The following CTNNA3 variants were observed in gnomAD, a reference collection of about 807,000 sequenced individuals.
CTNNA3 encodes catenin alpha-3.
In CTNNA3, 76 loss-of-function variants were observed where a neutral mutation model predicts 95.7. That is an observed-to-expected ratio of 0.79 (90% CI 0.66 to 0.96). CTNNA3 has a LOEUF of 0.96. CTNNA3 is among the 40% of genes least tolerant of loss of function. CTNNA3 has a pLI of 0.00. For missense variants in CTNNA3, 1,191 were observed against 1,089.8 expected (o/e 1.09, Z -1.31); for synonymous variants, 431 against 374.4 (o/e 1.15, Z -1.74).
intron 10 of CTNNA3, among the ~76,000 whole-genome samples, chr10:66,560,405 T>C (rs1278474951): frequency 6.6e-6 from 1 of 152,106 alleles, no homozygotes; most frequent in Non-Finnish European, 1.5e-5. Context: ...AATACTTTAG[T>C]AGCTATTATT....
At chr10:67,112,523 A>C (rs2131973012) in intron 7 of CTNNA3, among the ~76,000 whole-genome samples, 1 of 152,312 alleles carries the variant, frequency 6.6e-6, no homozygotes, top group East Asian at 1.9e-4. Flanking sequence ...AAAGGTAAGC[A>C]GAATGGATAA....
intron 9 of CTNNA3, among the ~76,000 whole-genome samples, chr10:66,752,999 T>C (rs540997059): frequency 2.0e-5 from 3 of 152,298 alleles, no homozygotes; most frequent in African/African-American, 4.8e-5. Flanking sequence ...ACCTGTTCAC[T>C]GTAAGTTTTC....
intron 4 of CTNNA3, among the ~76,000 whole-genome samples, chr10:67,523,049 T>C (rs1007734286): frequency 1.3e-5 from 2 of 152,148 alleles, no homozygotes; most frequent in African/African-American, 4.8e-5. Context: ...ACCCTTACTA[T>C]ATCAAACTCT....
At chr10:66,196,671 T>C (rs1425563235) in intron 13 of CTNNA3, among the ~76,000 whole-genome samples, 2 of 152,198 alleles carry the variant, frequency 1.3e-5, no homozygotes, top group African/African-American at 2.4e-5. Context: ...AAGGACACTT[T>C]ACATGAGTAA....
rs1234184117 is a variant in CTNNA3 at position 66,486,857 on chromosome 10, ATCAG to A, written c.1531+33756_1531+33759del. Among the ~76,000 whole-genome samples the A allele has an allele frequency of 4.0e-5, 6 of 151,808 alleles. 1 individual carries two copies. Among genetic ancestry groups the A allele is most frequent in the East Asian group, 1.9e-4 (1 of 5,138 alleles). On this transcript the variant is annotated intron_variant, in intron 11 of 17. Transcript: ENST00000433211. ...CACACACACACACACAAAATGAAAT[ATCAG>A]TCAGTCTTAAAAAAAGAAAATCCTG... is the stretch of plus-strand genomic sequence containing the variant.
chr10:67,208,738 GA>G (rs58768529), intron 6 of CTNNA3, among the ~76,000 whole-genome samples: 2,872 of 152,156 alleles, frequency 0.019, 138 homozygotes, highest in East Asian at 0.18. Flanking sequence ...GAGGTGAAGT[GA>G]AAAGAGACAT....
chr10:66,702,707 CAAAAAAA>C (rs36140474), intron 9 of CTNNA3, among the ~76,000 whole-genome samples: 1 of 81,250 alleles, frequency 1.2e-5, no homozygotes, highest in Non-Finnish European at 2.3e-5. Flanking sequence ...AACTCCACCT[CAAAAAAA>C]AAAAAAAAAA....
intron 9 of CTNNA3, among the ~76,000 whole-genome samples, chr10:66,683,090 A>G (rs1357843061): frequency 3.9e-5 from 6 of 152,158 alleles, no homozygotes; most frequent in Non-Finnish European, 2.9e-5. Context: ...AAGCTTGGAT[A>G]CTGGCCTGCC....
intron 1 of CTNNA3, among the ~76,000 whole-genome samples, chr10:67,692,002 C>T (rs1463348485): frequency 2.0e-5 from 3 of 149,160 alleles, no homozygotes; most frequent in African/African-American, 4.9e-5. Flanking sequence ...CGCCTCTGCC[C>T]GGCCGCCCCT....
In CTNNA3 at chr10:67,126,742, A is replaced by G. The variant is rs568948742; in HGVS notation, c.1047+53575T>C. Among the ~76,000 whole-genome samples the G allele has an allele frequency of 4.2e-4, 64 of 152,278 alleles. 1 individual carries two copies. The South Asian group carries it at 0.013, about 31-fold the overall frequency. Reference sequence around the variant, plus strand: ...TGAGAAACCTCCTAAAAAGATCCATATACATTGGGGTGAATTCATCTTTGT... The same window carrying G: ...TGAGAAACCTCCTAAAAAGATCCATGTACATTGGGGTGAATTCATCTTTGT... On this transcript the variant is annotated intron_variant, in intron 7 of 17. Coordinates refer to ENST00000433211, the MANE Select transcript of CTNNA3 (RefSeq NM_013266.4).
intron 7 of CTNNA3, among the ~76,000 whole-genome samples, chr10:67,037,740 G>A (rs1389938975): frequency 6.6e-6 from 1 of 152,158 alleles, no homozygotes; most frequent in Non-Finnish European, 1.5e-5. Context: ...TGTGAGAGGA[G>A]GAGGAATCAA....
chr10:67,404,443 A>T (rs1238470112), intron 5 of CTNNA3, among the ~76,000 whole-genome samples: 1 of 151,998 alleles, frequency 6.6e-6, no homozygotes, highest in African/African-American at 2.4e-5. Flanking sequence ...TAGGCCAAGC[A>T]GAAGAAAGAA....
chr10:66,265,173 A>C (rs2091117479), intron 13 of CTNNA3, among the ~76,000 whole-genome samples: 1 of 151,942 alleles, frequency 6.6e-6, no homozygotes, highest in South Asian at 2.1e-4. Flanking sequence ...TTATCCACAT[A>C]TTGGCCAACA....
chr10:65,944,617 A>G (rs897398259), intron 17 of CTNNA3, among the ~76,000 whole-genome samples: 1 of 152,210 alleles, frequency 6.6e-6, no homozygotes, highest in African/African-American at 2.4e-5. Context: ...AAACCAAAGC[A>G]TTCACTCATA....
chr10:66,279,550 T>C (rs916761647), intron 13 of CTNNA3, among the ~76,000 whole-genome samples: 41 of 151,994 alleles, frequency 2.7e-4, no homozygotes, highest in African/African-American at 9.9e-4. Flanking sequence ...ATATCCAGTT[T>C]GTTCATGTCA....
At chr10:67,390,816 C>G in intron 5 of CTNNA3, among the ~76,000 whole-genome samples, 1 of 147,786 alleles carries the variant, frequency 6.8e-6, no homozygotes, top group Non-Finnish European at 1.5e-5. Flanking sequence ...ACATGATTAT[C>G]TCAATAGATG....
At chr10:65,922,125 G>GT (rs1208506836) in intron 17 of CTNNA3, among the ~76,000 whole-genome samples, 2 of 152,146 alleles carry the variant, frequency 1.3e-5, no homozygotes, top group Non-Finnish European at 2.9e-5. Flanking sequence ...TCTACCTTGC[G>GT]TTTTTTCTCA....
At chr10:67,568,022 TG>T (rs573200270) in intron 3 of CTNNA3, among the ~76,000 whole-genome samples, 230 of 152,264 alleles carry the variant, frequency 1.5e-3, no homozygotes, top group African/African-American at 5.3e-3. Context: ...CCACTTTGCA[TG>T]GCTCATGAAT....
At chr10:67,248,645 G>A (rs779096890) in intron 5 of CTNNA3, among the ~76,000 whole-genome samples, 19 of 151,898 alleles carry the variant, frequency 1.3e-4, no homozygotes, top group Non-Finnish European at 2.4e-4. Context: ...TAGGCTGGTC[G>A]CAAACTCCTG....
Sources: gnomAD v4.1 joint callset for allele counts (sites outside exome capture counted in the v4.1 genomes callset) on GRCh38, gnomAD v4.1.1 for gene constraint, MANE v1.5 for transcripts, NCBI Gene and HGNC (gene_info 2026-07-23, HGNC 2026-07-21) for gene names.